The following ACTR10 variants were observed in gnomAD, a reference collection of about 807,000 sequenced individuals.
ACTR10 encodes the protein actin related protein 10, also known as actin-related protein 10.
Under a neutral mutation model 56.2 loss-of-function variants are expected in ACTR10, and 43 were observed. The ratio of observed to expected loss-of-function variants is 0.77; its 90% CI spans 0.60 to 0.99. The LOEUF (loss-of-function observed/expected upper bound fraction) is 0.99. Ranked by LOEUF, ACTR10 falls within the 50% of genes least tolerant of loss-of-function variation. ACTR10 has a pLI of 0.00. For missense variants in ACTR10, 466 were observed against 507.8 expected (o/e 0.92, Z 0.79); for synonymous variants, 170 against 176.3 (o/e 0.96, Z 0.28).
At chr14:58,200,696 G>T (rs776710622) in intron 1 of ACTR10, among the ~76,000 whole-genome samples, 2 of 152,180 alleles carry the variant, frequency 1.3e-5, no homozygotes, top group African/African-American at 4.8e-5. Context: ...AATATTGAAC[G>T]GAGTTTATTT....
At chr14:58,230,279 T>C (rs553563585) in intron 10 of ACTR10, 120 bp from the exon 11 acceptor site, 99 of 503,410 alleles carry the variant, frequency 2.0e-4, no homozygotes, top group African/African-American at 1.6e-3. Flanking sequence ...TTAATAATTA[T>C]TCTTTGTTAA....
At chr14:58,221,245 T>G (rs1168193537) in intron 8 of ACTR10, among the ~76,000 whole-genome samples, 1 of 141,658 alleles carries the variant, frequency 7.1e-6, no homozygotes, top group Non-Finnish European at 1.5e-5. Flanking sequence ...ATCGCGCCAC[T>G]GCACTCCAGC....
intron 1 of ACTR10, 126 bp from the exon 2 acceptor site, chr14:58,202,729 A>T: frequency 1.6e-6 from 1 of 618,972 alleles, no homozygotes; most frequent in Non-Finnish European, 2.7e-6. Context: ...GATCCCTTAA[A>T]ATACATCAGG....
chr14:58,225,592 A>T (rs190194278), intron 10 of ACTR10, among the ~76,000 whole-genome samples: 73 of 152,254 alleles, frequency 4.8e-4, no homozygotes, highest in Non-Finnish European at 8.1e-4. Context: ...TCTCTTATTT[A>T]AGTTATATTT....
chr14:58,211,526 C>A, intron 5 of ACTR10, 127 bp downstream of exon 5: 1 of 635,304 alleles, frequency 1.6e-6, no homozygotes, highest in Non-Finnish European at 2.7e-6. Flanking sequence ...ATATGAATTA[C>A]AATGTGGAAA....
intron 12 of ACTR10, 48 bp from the exon 13 acceptor site, chr14:58,234,322 C>T (rs1303474036): frequency 2.0e-6 from 3 of 1,491,450 alleles, no homozygotes; most frequent in Non-Finnish European, 2.7e-6. Flanking sequence ...ATAAAGTTTT[C>T]TGGTAAAAGT....
At chr14:58,200,899 C>T (rs1888689264) in intron 1 of ACTR10, among the ~76,000 whole-genome samples, 1 of 152,132 alleles carries the variant, frequency 6.6e-6, no homozygotes, top group African/African-American at 2.4e-5. Context: ...AGGTTCTCAA[C>T]CTTTCGGATG....
rs998003248 is a variant in ACTR10, at chr14:58,235,108, G to A, written c.*557G>A. The A allele has an allele frequency of 6.6e-6, 1 of 152,234 alleles. No homozygotes were observed. The highest frequency in any genetic ancestry group is 2.4e-5 in the African/African-American group (1 of 41,410). 9.4% of individuals were successfully genotyped at this position (152,234 alleles called of 1,614,324 possible). On this transcript the variant is annotated 3_prime_UTR_variant, in exon 13 of 13. Coordinates refer to ENST00000254286, the MANE Select transcript of ACTR10 (RefSeq NM_018477.3). Reference sequence around the variant, plus strand: ...GTTGGGATTACAGGCGTGAACCACTGTACCAGCCTATGTTGCTTGTCTTTC... The same window carrying A: ...GTTGGGATTACAGGCGTGAACCACTATACCAGCCTATGTTGCTTGTCTTTC...
At chr14:58,223,556 G>GGT in intron 8 of ACTR10, 66 bp from the exon 9 acceptor site, 1 of 1,254,834 alleles carries the variant, frequency 8.0e-7, no homozygotes, top group Non-Finnish European at 1.1e-6. Flanking sequence ...TTTTAACTGG[G>GGT]GTGTAGGTAC....
chr14:58,213,759 T>A, intron 6 of ACTR10, 61 bp downstream of exon 6: 1 of 1,354,444 alleles, frequency 7.4e-7, no homozygotes, highest in Non-Finnish European at 1.0e-6. Context: ...GTTGCTAATC[T>A]GTTTGTTGAT....
At chr14:58,221,307 A>G (rs1889263143) in intron 8 of ACTR10, among the ~76,000 whole-genome samples, 1 of 136,828 alleles carries the variant, frequency 7.3e-6, no homozygotes, top group Non-Finnish European at 1.6e-5. Flanking sequence ...AAAAAAATAT[A>G]TGCAGGCTGG....
intron 11 of ACTR10, among the ~76,000 whole-genome samples, 158 bp downstream of exon 11, chr14:58,230,638 A>T (rs1889508121): frequency 6.6e-6 from 1 of 152,182 alleles, no homozygotes; most frequent in South Asian, 2.1e-4. Flanking sequence ...TTTACAGAAT[A>T]CGGTCCTTTT....
intron 6 of ACTR10, among the ~76,000 whole-genome samples, chr14:58,214,970 G>A (rs947545719): frequency 4.0e-5 from 6 of 151,594 alleles, no homozygotes; most frequent in Non-Finnish European, 7.4e-5. Flanking sequence ...GCCGGGCATG[G>A]TGGCGGGCAC....
intron 6 of ACTR10, among the ~76,000 whole-genome samples, chr14:58,214,635 C>T (rs984703419): frequency 2.0e-5 from 3 of 151,202 alleles, no homozygotes; most frequent in African/African-American, 4.8e-5. Flanking sequence ...GGACTACAGG[C>T]GTGCGCCGCC....
chr14:58,210,690 T>G (rs1888971041), intron 4 of ACTR10, among the ~76,000 whole-genome samples: 1 of 151,606 alleles, frequency 6.6e-6, no homozygotes, highest in Admixed American at 6.6e-5. Context: ...TTTTTTTTTT[T>G]TTGAGACAGA....
At chr14:58,206,680 C>T (rs559670196) in intron 2 of ACTR10, among the ~76,000 whole-genome samples, 1 of 152,232 alleles carries the variant, frequency 6.6e-6, no homozygotes, top group South Asian at 2.1e-4. Context: ...TAAGTGAAGC[C>T]ATTGTTATAT....
chr14:58,223,501 A>G, intron 8 of ACTR10, 121 bp from the exon 9 acceptor site: 1 of 811,358 alleles, frequency 1.2e-6, no homozygotes, highest in South Asian at 1.8e-5. Context: ...GAGTTTATAA[A>G]ATCCAAAGGA....
intron 7 of ACTR10, among the ~76,000 whole-genome samples, chr14:58,217,359 A>G (rs974493492): frequency 1.3e-5 from 2 of 152,106 alleles, no homozygotes; most frequent in African/African-American, 4.8e-5. Context: ...TGAAGCACCC[A>G]CTTAGTAGGA....
intron 1 of ACTR10, among the ~76,000 whole-genome samples, chr14:58,202,067 A>G (rs947163241): frequency 6.6e-6 from 1 of 151,936 alleles, no homozygotes; most frequent in Non-Finnish European, 1.5e-5. Context: ...AGCTTACTGT[A>G]TGAGTTAATT....
Sources: gnomAD v4.1 joint callset for allele counts (sites outside exome capture counted in the v4.1 genomes callset) on GRCh38, gnomAD v4.1.1 for gene constraint, MANE v1.5 for transcripts, NCBI Gene and HGNC (gene_info 2026-07-23, HGNC 2026-07-21) for gene names.